PLXDC2: variants seen among roughly 807,000 people sequenced by gnomAD.
The protein encoded by PLXDC2 is plexin domain-containing protein 2.
PLXDC2 carries 40 observed loss-of-function variants against 68.9 expected under a neutral mutation model. The ratio of observed to expected loss-of-function variants is 0.58; its 90% CI spans 0.45 to 0.76. The LOEUF (loss-of-function observed/expected upper bound fraction) is 0.76, where lower values mean the gene tolerates loss of function less well. Among genes scored for constraint, PLXDC2 ranks in the 30% least tolerant of loss-of-function variants. The probability of loss-of-function intolerance (pLI) is 0.00; values close to 1 mark genes in which losing one functional copy is unlikely to be tolerated. For missense variants in PLXDC2, 644 were observed against 661.9 expected (o/e 0.97, Z 0.30); for synonymous variants, 243 against 234.2 (o/e 1.04, Z -0.34).
intron 13 of PLXDC2, among the ~76,000 whole-genome samples, chr10:20,255,602 C>A (rs1835732742): frequency 6.6e-6 from 1 of 152,020 alleles, no homozygotes; most frequent in African/African-American, 2.4e-5. Context: ...TTAGTGTATT[C>A]TTTTCTAGCA....
At chr10:19,990,064 A>G (rs576372052) in intron 1 of PLXDC2, among the ~76,000 whole-genome samples, 1 of 152,052 alleles carries the variant, frequency 6.6e-6, no homozygotes, top group Non-Finnish European at 1.5e-5. Flanking sequence ...TTTAATTAGA[A>G]TGAGGTCATG....
chr10:19,961,764 G>C (rs1834157459), intron 1 of PLXDC2, among the ~76,000 whole-genome samples: 1 of 152,166 alleles, frequency 6.6e-6, no homozygotes, highest in South Asian at 2.1e-4. Context: ...GAGTCAATTT[G>C]CTCAGCCTCA....
intron 4 of PLXDC2, among the ~76,000 whole-genome samples, chr10:20,137,296 C>G (rs1564329092): frequency 6.6e-6 from 1 of 152,172 alleles, no homozygotes; most frequent in Non-Finnish European, 1.5e-5. Flanking sequence ...TCAGCCATCA[C>G]AACAACCCAA....
At chr10:19,993,283 T>C (rs1164755908) in intron 1 of PLXDC2, among the ~76,000 whole-genome samples, 1 of 151,112 alleles carries the variant, frequency 6.6e-6, no homozygotes, top group Non-Finnish European at 1.5e-5. Flanking sequence ...AGGCTTGGCA[T>C]ACTTTATATT....
At chr10:20,221,089 C>T (rs1431968434) in intron 12 of PLXDC2, among the ~76,000 whole-genome samples, 8 of 151,946 alleles carry the variant, frequency 5.3e-5, no homozygotes, top group African/African-American at 1.2e-4. Flanking sequence ...GTGATCCACC[C>T]GTCTCGACCT....
chr10:20,073,530 A>G (rs947666452), intron 4 of PLXDC2, among the ~76,000 whole-genome samples: 3 of 152,204 alleles, frequency 2.0e-5, no homozygotes, highest in African/African-American at 7.2e-5. Context: ...AACTATAAAA[A>G]TAGAATCTTT....
chr10:19,909,399 A>C (rs945213667), intron 1 of PLXDC2, among the ~76,000 whole-genome samples: 1 of 152,172 alleles, frequency 6.6e-6, no homozygotes, highest in Non-Finnish European at 1.5e-5. Context: ...GCATTATCCA[A>C]ATGCAAGTTA....
intron 1 of PLXDC2, among the ~76,000 whole-genome samples, chr10:19,927,827 A>G (rs563691445): frequency 8.0e-4 from 122 of 151,574 alleles, no homozygotes; most frequent in Non-Finnish European, 1.4e-3. Flanking sequence ...TTTTATTTCA[A>G]TAGCTTTAGG....
At chr10:20,199,355 G>A (rs2131846347) in intron 9 of PLXDC2, among the ~76,000 whole-genome samples, 1 of 151,906 alleles carries the variant, frequency 6.6e-6, no homozygotes, top group East Asian at 1.9e-4. Context: ...AACAAAAAAG[G>A]CAAGGATGTG....
chr10:19,966,818 T>C (rs2148302), intron 1 of PLXDC2, among the ~76,000 whole-genome samples: 34,759 of 141,862 alleles, frequency 0.25, 4,104 homozygotes, highest in East Asian at 0.33. Context: ...ATTTTTTTTT[T>C]CCCCCAGCAT....
At chr10:20,195,427 G>A (rs982141489) in intron 9 of PLXDC2, among the ~76,000 whole-genome samples, 5 of 152,108 alleles carry the variant, frequency 3.3e-5, no homozygotes, top group African/African-American at 1.2e-4. Flanking sequence ...AGCAACGAGC[G>A]GGTGCAGTGG....
chr10:20,197,107 GTTTAATGGAATAGTCACT>G (rs748863610), intron 9 of PLXDC2, among the ~76,000 whole-genome samples: 2 of 152,006 alleles, frequency 1.3e-5, no homozygotes, highest in Non-Finnish European at 2.9e-5. Flanking sequence ...TAGCAGTGTT[GTTTAATGGAATAGTCACT>G]TTTAATTATA....
chr10:19,992,824 A>G (rs1452493636), intron 1 of PLXDC2, among the ~76,000 whole-genome samples: 2 of 152,066 alleles, frequency 1.3e-5, no homozygotes, highest in Admixed American at 1.3e-4. Flanking sequence ...TTCCTTGCTG[A>G]ATTGTTTACA....
chr10:20,257,392 G>A (rs762123314), intron 13 of PLXDC2, among the ~76,000 whole-genome samples: 41 of 152,084 alleles, frequency 2.7e-4, no homozygotes, highest in Non-Finnish European at 5.7e-4. Context: ...GCATGTGTGT[G>A]CATACTTACA....
chr10:19,907,257 G>A lies in PLXDC2; in HGVS notation c.112+90066G>A, dbSNP rs187600729. On this transcript the variant is annotated intron_variant, in intron 1 of 13. Coordinates refer to ENST00000377252, the MANE Select transcript of PLXDC2 (RefSeq NM_032812.9). ...TCCTTTAAGGATCTTGCTGTTTCTCGTTCCAATAAACACTTTTAAAAAAGC... is the reference window on the plus strand; with the variant it reads ...TCCTTTAAGGATCTTGCTGTTTCTCATTCCAATAAACACTTTTAAAAAAGC... Among the ~76,000 whole-genome samples, 459 of 152,156 alleles carry A rather than the reference G, an allele frequency of 3.0e-3. 4 individuals are homozygous for A. The highest frequency in any genetic ancestry group is 0.01 in the Middle Eastern group (3 of 294).
Position 19,855,807 on chromosome 10 carries a change from C to T in PLXDC2, c.112+38616C>T, listed in dbSNP as rs115329442. On this transcript the variant is annotated intron_variant, in intron 1 of 13. Transcript: ENST00000377252. ...ATTCAAAAATTGTGTGCCATTAGGC[C>T]GGGCTCGGTGGCTCACGCCTGTAAT... Among the ~76,000 whole-genome samples the T allele has an allele frequency of 1.2e-3, 180 of 152,114 alleles. 2 individuals carry two copies. The highest frequency in any genetic ancestry group is 4.0e-3 in the African/African-American group (166 of 41,500).
intron 1 of PLXDC2, among the ~76,000 whole-genome samples, chr10:19,821,829 A>T (rs547082154): frequency 6.6e-6 from 1 of 152,202 alleles, no homozygotes; most frequent in African/African-American, 2.4e-5. Context: ...CAAAAAATTC[A>T]TTCGACCATT....
chr10:20,114,532 A>G lies in PLXDC2; in HGVS notation c.542-28763A>G, dbSNP rs990226250. On this transcript the variant is annotated intron_variant, in intron 4 of 13. Coordinates refer to ENST00000377252, the MANE Select transcript of PLXDC2 (RefSeq NM_032812.9). ...CTAGGAATGGATGTGAAAACAAACA[A>G]TTTTAACTCAGTGTGAGAAGACCTG... is the stretch of plus-strand genomic sequence containing the variant. Among the ~76,000 whole-genome samples, 13 of 152,300 alleles carry G rather than the reference A, an allele frequency of 8.5e-5. No homozygotes were observed. In the East Asian group the frequency reaches 1.9e-3, roughly 23 times the overall value.
intron 1 of PLXDC2, among the ~76,000 whole-genome samples, chr10:19,940,646 T>C (rs1833804037): frequency 6.6e-6 from 1 of 151,912 alleles, no homozygotes; most frequent in South Asian, 2.1e-4. Context: ...TAACAAGAAA[T>C]AAAAGAATAC....
Sources: gnomAD v4.1 joint callset for allele counts (sites outside exome capture counted in the v4.1 genomes callset) on GRCh38, gnomAD v4.1.1 for gene constraint, MANE v1.5 for transcripts, NCBI Gene and HGNC (gene_info 2026-07-23, HGNC 2026-07-21) for gene names.